The following LIPA variants were observed in gnomAD, a reference collection of about 807,000 sequenced individuals.
LIPA encodes lysosomal acid lipase/cholesteryl ester hydrolase.
A neutral mutation model predicts 40.6 loss-of-function variants in LIPA; 26 were observed. The observed-to-expected ratio is 0.64, with a 90% CI of 0.47 to 0.89. LIPA has a LOEUF of 0.89. Among genes scored for constraint, LIPA ranks in the 40% least tolerant of loss-of-function variants. The pLI is 0.00. For missense variants in LIPA, 455 were observed against 479.6 expected (o/e 0.95, Z 0.48); for synonymous variants, 188 against 168.4 (o/e 1.12, Z -0.90).
chr10:89,300,237 G>A (rs140309659), intron 1 of LIPA, among the ~76,000 whole-genome samples: 3 of 152,266 alleles, frequency 2.0e-5, no homozygotes, highest in East Asian at 3.9e-4. Context: ...TGGACATTGA[G>A]AATAGAATAA....
chr10:89,382,927 C>A (rs1229142531), intron 2 of LIPA, among the ~76,000 whole-genome samples: 1 of 152,212 alleles, frequency 6.6e-6, no homozygotes, highest in African/African-American at 2.4e-5. Context: ...AGTAAGGAAC[C>A]CACCTTTCTG....
At chr10:89,332,497 T>C in intron 1 of LIPA, 1 of 1,572,082 alleles carries the variant, frequency 6.4e-7, no homozygotes, top group Non-Finnish European at 8.6e-7. Flanking sequence ...CCTTTCCCCT[T>C]TCATAAAAGC....
intron 1 of LIPA, chr10:89,306,533 A>G: frequency 6.2e-7 from 1 of 1,614,080 alleles, no homozygotes; most frequent in Non-Finnish European, 8.5e-7. Context: ...ACCATCTCAG[A>G]ACGCCATTGA....
chr10:89,364,951 A>G (rs1315352377), intron 2 of LIPA, among the ~76,000 whole-genome samples: 2 of 152,196 alleles, frequency 1.3e-5, no homozygotes, highest in African/African-American at 4.8e-5. Flanking sequence ...TGCAGAAATA[A>G]GAGGCAGAAG....
chr10:89,295,140 G>A (rs1843405772), intron 1 of LIPA, among the ~76,000 whole-genome samples: 1 of 151,552 alleles, frequency 6.6e-6, no homozygotes, highest in East Asian at 1.9e-4. Flanking sequence ...TGAAGTTCAT[G>A]TGGAAGACCA....
chr10:89,412,585 T>C, intron 2 of LIPA: 1 of 169,610 alleles, frequency 5.9e-6, no homozygotes, highest in South Asian at 9.5e-5. Context: ...CAACGAATCT[T>C]GCTGCTGCTC....
At chr10:89,328,200 C>A in intron 1 of LIPA, 1 of 991,302 alleles carries the variant, frequency 1.0e-6, no homozygotes, top group Non-Finnish European at 1.6e-6. Flanking sequence ...ATGTCTTTAT[C>A]AGTCTGAGCA....
At chr10:89,253,853 A>G (rs544817658), upstream of LIPA, among the ~76,000 whole-genome samples, 1 of 152,250 alleles carries the variant, frequency 6.6e-6, no homozygotes, top group Non-Finnish European at 1.5e-5. Flanking sequence ...TAAAAGCCGC[A>G]TGCAAGTCCA....
At chr10:89,391,370 C>T (rs943370452) in intron 2 of LIPA, among the ~76,000 whole-genome samples, 1 of 151,712 alleles carries the variant, frequency 6.6e-6, no homozygotes, top group African/African-American at 2.4e-5. Flanking sequence ...CACACCACCA[C>T]ACCCAGCTTT....
chr10:89,395,833 A>G (rs1258952729), intron 2 of LIPA, among the ~76,000 whole-genome samples: 1 of 152,040 alleles, frequency 6.6e-6, no homozygotes, highest in Non-Finnish European at 1.5e-5. Flanking sequence ...AAAAAAAAAT[A>G]CAACAGTGAC....
chr10:89,299,838 CATT>C (rs1843435194), intron 1 of LIPA, among the ~76,000 whole-genome samples: 1 of 151,828 alleles, frequency 6.6e-6, no homozygotes, highest in Admixed American at 6.6e-5. Flanking sequence ...TTAGTACAGT[CATT>C]ATGGAAAACA....
At chr10:89,412,910 G>A (rs1841486427) in exon 2 of LIPA, 1 of 247,928 alleles carries the variant, frequency 4.0e-6, no homozygotes, top group Non-Finnish European at 8.3e-6. Flanking sequence ...AAGTCACCAA[G>A]ACCAAAAACC....
rs559491497 is a variant in LIPA at position 89,380,158 on chromosome 10, C to T, written c.61+32633G>A. On this transcript the variant is annotated intron_variant, in intron 2 of 8. Transcript: ENST00000371837. ...GTGAGAGGTTTTGCAATGGCCTGGGCGTATGTTTCTAGAAGCCACTGACCT... is the reference window on the plus strand; with the variant it reads ...GTGAGAGGTTTTGCAATGGCCTGGGTGTATGTTTCTAGAAGCCACTGACCT... 1.3e-4 allele frequency among the ~76,000 whole-genome samples: 20 copies of T among 152,240 alleles called. No individual in the cohort carries two copies. In the East Asian group the frequency reaches 1.5e-3, roughly 12 times the overall value.
chr10:89,361,713 G>C (rs1229358281), intron 2 of LIPA, among the ~76,000 whole-genome samples: 1 of 151,924 alleles, frequency 6.6e-6, no homozygotes, highest in East Asian at 1.9e-4. Flanking sequence ...TTTTAACTAA[G>C]GCTTCACAGC....
intron 8 of LIPA, among the ~76,000 whole-genome samples, chr10:89,221,117 T>C (rs531942428): frequency 1.3e-5 from 2 of 152,236 alleles, no homozygotes; most frequent in African/African-American, 4.8e-5. Context: ...ATGATATATT[T>C]GCTGTGTCGA....
chr10:89,332,741 A>G (rs1843669128), intron 1 of LIPA: 1 of 1,120,588 alleles, frequency 8.9e-7, no homozygotes, highest in Non-Finnish European at 1.4e-6. Flanking sequence ...TAATTCAAGC[A>G]TAAATCTGCC....
At chr10:89,302,152 G>C (rs781513075) in intron 1 of LIPA, 3 of 1,613,362 alleles carry the variant, frequency 1.9e-6, no homozygotes, top group Non-Finnish European at 2.5e-6. Context: ...CTTCGTATTC[G>C]GTAGTGCTGT....
At chr10:89,394,021 A>C (rs796238036) in intron 2 of LIPA, among the ~76,000 whole-genome samples, 12 of 152,352 alleles carry the variant, frequency 7.9e-5, no homozygotes, top group African/African-American at 2.9e-4. Context: ...AGATACTTAT[A>C]AGGCAGGTAC....
intron 1 of LIPA, among the ~76,000 whole-genome samples, chr10:89,248,479 T>G (rs1218752892): frequency 8.6e-6 from 1 of 115,658 alleles, no homozygotes. Context: ...TTTATTTATT[T>G]ATTTATTTAT....
Sources: allele counts gnomAD v4.1 joint callset (sites outside exome capture counted in the v4.1 genomes callset), GRCh38; gene constraint gnomAD v4.1.1; transcripts MANE v1.5; gene names NCBI Gene and HGNC (gene_info 2026-07-23, HGNC 2026-07-21).